DSC3: variants seen among roughly 807,000 people sequenced by gnomAD.
The protein encoded by DSC3 is desmocollin-3.
Under a neutral mutation model 89.5 loss-of-function variants are expected in DSC3, and 97 were observed. The ratio of observed to expected loss-of-function variants is 1.08; its 90% confidence interval spans 0.92 to 1.28. The LOEUF (loss-of-function observed/expected upper bound fraction) is 1.28, where lower values mean the gene tolerates loss of function less well. DSC3 is among the 50% of genes most tolerant of loss of function. The pLI, the probability that DSC3 is intolerant of heterozygous loss-of-function variation, is 0.00. For synonymous variants in DSC3, 436 were observed against 384.1 expected, an observed-to-expected ratio of 1.14 and a Z score of -1.58; for missense variants, 1,199 against 1,085.3, an observed-to-expected ratio of 1.10 and a Z score of -1.47.
intron 14 of DSC3, among the ~76,000 whole-genome samples, chr18:31,000,606 C>G (rs1984619658): frequency 6.6e-6 from 1 of 152,196 alleles, no homozygotes; most frequent in Non-Finnish European, 1.5e-5. Context: ...TCTTTTCCAA[C>G]ACATGATTTC....
At chr18:31,040,770 T>C (rs1379633263) in intron 1 of DSC3, among the ~76,000 whole-genome samples, 1 of 152,168 alleles carries the variant, frequency 6.6e-6, no homozygotes, top group Non-Finnish European at 1.5e-5. Context: ...ATGAAAAATG[T>C]TTCTAAAATG....
intron 9 of DSC3, among the ~76,000 whole-genome samples, chr18:31,011,477 AC>A (rs1263907141): frequency 2.3e-4 from 35 of 152,252 alleles, no homozygotes; most frequent in African/African-American, 7.9e-4. Flanking sequence ...AATAACATGC[AC>A]TCTTTCCCTG....
At chr18:31,015,398 T>G (rs967516894) in intron 9 of DSC3, among the ~76,000 whole-genome samples, 1 of 152,200 alleles carries the variant, frequency 6.6e-6, no homozygotes, top group African/African-American at 2.4e-5. Flanking sequence ...AATGTTTTTC[T>G]TAATACCTCT....
Position 31,022,429 on chromosome 18 carries a change from G to T in DSC3, c.849C>A (p.Ser283Arg), listed in dbSNP as rs755337329. 6.2e-7 allele frequency: 1 copy of T among 1,614,044 alleles called. No homozygotes were observed. Among genetic ancestry groups the T allele is most frequent in the Non-Finnish European group, 8.5e-7 (1 of 1,179,968 alleles). The part of the protein sequence containing the change: ...PDTMHTRLKY[S>R]ILQQTPRSPG... ...GTGACCTTGGTGTCTGCTGCAAAAT[G>T]CTGTATTTCAGGCGCGTATGCATTG... Residue 283 changes from serine to arginine, a missense_variant, in exon 7 of 16, where the codon AGC (serine) becomes AGA (arginine). Coordinates refer to ENST00000360428, the MANE Select transcript of DSC3 (RefSeq NM_001941.5).
intron 7 of DSC3, among the ~76,000 whole-genome samples, chr18:31,020,479 G>C (rs1389606384): frequency 6.6e-5 from 10 of 152,200 alleles, no homozygotes; most frequent in African/African-American, 2.4e-4. Flanking sequence ...ATGGTGTGGT[G>C]ATGGTGAATT....
chr18:31,041,913 TC>T (rs1235770352), intron 1 of DSC3, among the ~76,000 whole-genome samples: 1 of 151,644 alleles, frequency 6.6e-6, no homozygotes, highest in Non-Finnish European at 1.5e-5. Context: ...CTCGGCAGCA[TC>T]CCCAAAACAC....
chr18:31,012,584 G>A (rs1985106169), intron 9 of DSC3, among the ~76,000 whole-genome samples: 1 of 152,158 alleles, frequency 6.6e-6, no homozygotes, highest in African/African-American at 2.4e-5. Flanking sequence ...CTTTGATTCA[G>A]TCTACTCATC....
intron 9 of DSC3, among the ~76,000 whole-genome samples, chr18:31,009,590 A>G (rs1444162966): frequency 6.6e-6 from 1 of 152,214 alleles, no homozygotes; most frequent in African/African-American, 2.4e-5. Context: ...TAATTTATCC[A>G]ATGAAACATT....
At chr18:31,005,369 A>G (rs1306420489) in intron 12 of DSC3, among the ~76,000 whole-genome samples, 2 of 152,148 alleles carry the variant, frequency 1.3e-5, no homozygotes, top group Non-Finnish European at 2.9e-5. Context: ...TGCCCCCTTC[A>G]TATTGTCCTC....
intron 15 of DSC3, among the ~76,000 whole-genome samples, chr18:30,995,970 T>TGAAAAA: frequency 4.1e-5 from 1 of 24,416 alleles, no homozygotes; most frequent in South Asian, 2.5e-3. Context: ...AGACCCTGCC[T>TGAAAAA]TAAAAAAAAA....
chr18:31,024,747 T>C (rs2144720241), intron 5 of DSC3, among the ~76,000 whole-genome samples: 1 of 152,230 alleles, frequency 6.6e-6, no homozygotes, highest in Non-Finnish European at 1.5e-5. Flanking sequence ...GCTGACTCTG[T>C]CCACTAGACT....
rs79188673 is a variant in DSC3 at position 31,030,411 on chromosome 18, A to G, written c.354+562T>C. On this transcript the variant is annotated intron_variant, in intron 3 of 15. Transcript: ENST00000360428. Reference sequence around the variant, plus strand: ...TATTGATACAGTTAACACAGATTAGATGTAATCCAGTCTAAACCTTTCATC... The same window carrying G: ...TATTGATACAGTTAACACAGATTAGGTGTAATCCAGTCTAAACCTTTCATC... Among the ~76,000 whole-genome samples, 1,208 of 152,336 alleles carry G rather than the reference A, an allele frequency of 7.9e-3. 21 individuals carry two copies. Among genetic ancestry groups the G allele is most frequent in the African/African-American group, 0.028 (1,165 of 41,576 alleles).
Position 31,025,840 on chromosome 18 carries a change from T to C in DSC3, c.550A>G (p.Asn184Asp). 6.2e-7 allele frequency: 1 copy of C among 1,613,176 alleles called. No homozygotes were observed. The highest frequency in any genetic ancestry group is 8.5e-7 in the Non-Finnish European group (1 of 1,179,408). The stretch of plus-strand genomic sequence containing the variant: ...GTGTCTCTTTCTATATAAAACAAAT[T>C]TAAAGGTTCTTTATCAACTCCACGT... ...SGRGVDKEPLNLFYIERDTGN... is the reference protein window; with the variant it reads ...SGRGVDKEPLDLFYIERDTGN... Residue 184 changes from asparagine to aspartate, a missense_variant, in exon 5 of 16, where the codon AAT becomes GAT. Coordinates refer to ENST00000360428, the MANE Select transcript of DSC3 (RefSeq NM_001941.5).
At chr18:31,037,537 T>C (rs1181076567) in intron 1 of DSC3, among the ~76,000 whole-genome samples, 1 of 152,198 alleles carries the variant, frequency 6.6e-6, no homozygotes, top group Admixed American at 6.5e-5. Context: ...TAATTATGAG[T>C]CTTTTTCTTT....
intron 9 of DSC3, among the ~76,000 whole-genome samples, chr18:31,013,148 C>T (rs529666709): frequency 4.3e-4 from 66 of 152,124 alleles, no homozygotes; most frequent in African/African-American, 1.1e-3. Context: ...CATATAGATG[C>T]TAATTAATAA....
chr18:31,026,486 G>C (rs1985603145), intron 4 of DSC3, among the ~76,000 whole-genome samples: 1 of 152,080 alleles, frequency 6.6e-6, no homozygotes, highest in Non-Finnish European at 1.5e-5. Context: ...AAGGAAAAAA[G>C]CAGGTAGACC....
intron 6 of DSC3, among the ~76,000 whole-genome samples, chr18:31,022,911 G>T (rs1010469447): frequency 4.6e-5 from 7 of 152,026 alleles, no homozygotes; most frequent in Admixed American, 1.3e-4. Flanking sequence ...ACTGATTAGG[G>T]GTATGCAGTA....
chr18:30,997,076 GT>G (rs1567948226), intron 14 of DSC3, 28 bp from the exon 15 acceptor site: 7 of 1,613,604 alleles, frequency 4.3e-6, no homozygotes, highest in Non-Finnish European at 5.9e-6. Flanking sequence ...AATAATTCAT[GT>G]TGAGAGGAAA....
intron 4 of DSC3, among the ~76,000 whole-genome samples, chr18:31,027,113 TG>T: frequency 6.6e-6 from 1 of 152,272 alleles, no homozygotes; most frequent in African/African-American, 2.4e-5. Context: ...AGTTTAACTA[TG>T]AGAAGAATAG....
Sources: gnomAD v4.1 joint callset for allele counts (sites outside exome capture counted in the v4.1 genomes callset) on GRCh38, gnomAD v4.1.1 for gene constraint, MANE v1.5 for transcripts, NCBI Gene and HGNC (gene_info 2026-07-23, HGNC 2026-07-21) for gene names.